Variants in ARHGAP8 observed in about 807,000 individuals in gnomAD.
ARHGAP8 encodes the protein rho GTPase-activating protein 8.
In ARHGAP8, 62 loss-of-function variants were observed where a neutral mutation model predicts 46.1. The observed-to-expected ratio is 1.34, with a 90% CI of 1.10 to 1.66. The LOEUF is 1.66. Among genes scored for constraint, ARHGAP8 ranks in the 40% most tolerant of loss-of-function variants. The pLI is 0.00. For missense variants in ARHGAP8, 923 were observed against 568.4 expected, an observed-to-expected ratio of 1.62 and a Z score of -6.34; for synonymous variants, 375 against 243.1, an observed-to-expected ratio of 1.54 and a Z score of -5.05.
chr22:44,786,557 G>C lies in ARHGAP8; in HGVS notation c.30G>C (p.Thr10=). 1 of 1,613,462 alleles carries C rather than the reference G, an allele frequency of 6.2e-7. No homozygotes were observed. Among genetic ancestry groups the C allele is most frequent in the Non-Finnish European group, 8.5e-7 (1 of 1,179,746 alleles). ...CTGGCCAGGATCCTGCGCTGAGCAC[G>C]AGTCACCCGTTCTACGACGTGGCCA... MAGQDPALS[T]SHPFYDVARH... The change falls in exon 2 of 12, where the codon ACG becomes ACC. Residue 10 remains threonine, a synonymous_variant. Transcript: ENST00000356099.
intron 5 of ARHGAP8, among the ~76,000 whole-genome samples, chr22:44,819,569 A>C (rs989770849): frequency 5.3e-5 from 8 of 152,118 alleles, no homozygotes; most frequent in African/African-American, 1.9e-4. Flanking sequence ...GCTACTCAGG[A>C]GGGTGAGCTA....
At chr22:44,846,608 G>T (rs1165305687) in intron 8 of ARHGAP8, among the ~76,000 whole-genome samples, 1 of 152,184 alleles carries the variant, frequency 6.6e-6, no homozygotes, top group Non-Finnish European at 1.5e-5. Context: ...GGCCTGGACT[G>T]CCCCTCCTTG....
At chr22:44,848,182 G>T in intron 9 of ARHGAP8, 132 bp downstream of exon 9, 2 of 1,316,836 alleles carry the variant, frequency 1.5e-6, no homozygotes, top group Non-Finnish European at 2.1e-6. Flanking sequence ...TCAGGGTGGG[G>T]GCAGCTTCCC....
rs190509626 is a variant in ARHGAP8, at chr22:44,776,524, G to T, written c.-71-9933G>T. On this transcript the variant is annotated intron_variant, in intron 1 of 11. Transcript: ENST00000356099. ...TATTCCTGTGTCTCCACTGTGGTGA[G>T]GCCTGTGGTAAGCAACATCTCCTGA... 3.3e-4 allele frequency among the ~76,000 whole-genome samples: 50 copies of T among 152,224 alleles called. 1 individual carries two copies. In the East Asian group the frequency reaches 8.7e-3, roughly 26 times the overall value.
chr22:44,775,874 G>A (rs1569138796), intron 1 of ARHGAP8, among the ~76,000 whole-genome samples: 1 of 152,138 alleles, frequency 6.6e-6, no homozygotes, highest in Admixed American at 6.5e-5. Flanking sequence ...TAGCTTCCCT[G>A]GTAATAGAAG....
intron 2 of ARHGAP8, among the ~76,000 whole-genome samples, chr22:44,798,224 C>T (rs951729311): frequency 2.6e-5 from 4 of 152,018 alleles, no homozygotes; most frequent in Admixed American, 6.6e-5. Flanking sequence ...GATCCACCCA[C>T]CTCGGCCTCC....
intron 2 of ARHGAP8, among the ~76,000 whole-genome samples, chr22:44,797,915 C>T (rs1263857479): frequency 6.6e-6 from 1 of 152,098 alleles, no homozygotes; most frequent in Non-Finnish European, 1.5e-5. Flanking sequence ...TCAAGTGAGC[C>T]TTCCACCTCA....
At chr22:44,849,923 G>C (rs528216081) in intron 10 of ARHGAP8, 1 of 152,208 alleles carries the variant, frequency 6.6e-6, no homozygotes, top group Non-Finnish European at 1.5e-5. Flanking sequence ...CAAGGGGCAG[G>C]AGTTACCTTT....
In ARHGAP8 at chr22:44,825,912, G is replaced by T. The variant is rs1229645715; in HGVS notation, c.596+319G>T. ...TGCTGCTCCGTGCCTCGTTGGGGGG[G>T]CGCGTGCTGGGTGCCTGGTCGGGGG... On this transcript the variant is annotated intron_variant, in intron 7 of 11. Transcript: ENST00000356099. Among the ~76,000 whole-genome samples, 3 of 118,808 alleles carry T rather than the reference G, an allele frequency of 2.5e-5. No homozygotes were observed. In the Admixed American group the frequency reaches 2.8e-4, roughly 11 times the overall value. 77.9% of individuals were successfully genotyped at this position (118,808 alleles called of 152,430 possible). A position where few individuals can be genotyped will look rare whatever the true frequency, so the allele number is the denominator to read the frequency against.
At chr22:44,752,781 G>C (rs952832762) in intron 1 of ARHGAP8, 154 bp downstream of exon 1, 1 of 151,836 alleles carries the variant, frequency 6.6e-6, no homozygotes, top group Non-Finnish European at 1.5e-5. Context: ...GTGCGGCCGG[G>C]GGGAGACCCT....
chr22:44,806,764 C>G (rs1045921970), intron 3 of ARHGAP8, among the ~76,000 whole-genome samples: 4 of 151,902 alleles, frequency 2.6e-5, no homozygotes, highest in Admixed American at 1.3e-4. Context: ...ACCATCCTGG[C>G]TAACTCAGTG....
At chr22:44,826,298 C>G (rs1031940094) in intron 7 of ARHGAP8, among the ~76,000 whole-genome samples, 2 of 152,172 alleles carry the variant, frequency 1.3e-5, no homozygotes, top group Non-Finnish European at 2.9e-5. Flanking sequence ...TTGTGCTGGG[C>G]TCAGCCGCTG....
At chr22:44,829,406 T>G (rs147273103) in intron 7 of ARHGAP8, among the ~76,000 whole-genome samples, 5 of 152,298 alleles carry the variant, frequency 3.3e-5, no homozygotes, top group African/African-American at 1.2e-4. Context: ...GCCTCTCGGC[T>G]CCTAGAAGGC....
intron 2 of ARHGAP8, among the ~76,000 whole-genome samples, chr22:44,795,559 T>C (rs763600912): frequency 3.3e-5 from 5 of 151,716 alleles, no homozygotes; most frequent in Non-Finnish European, 5.9e-5. Context: ...TCACCAGCAA[T>C]AGGCACTGGT....
chr22:44,775,469 C>T (rs898540109), intron 1 of ARHGAP8, among the ~76,000 whole-genome samples: 1 of 151,130 alleles, frequency 6.6e-6, no homozygotes, highest in African/African-American at 2.4e-5. Flanking sequence ...TTTTTTGAGA[C>T]GGAGTTTCGC....
intron 7 of ARHGAP8, among the ~76,000 whole-genome samples, chr22:44,825,913 CGCGTGCTGGGTGCCTGGTCGGGGGGGT>C (rs1374147588): frequency 2.1e-5 from 2 of 97,516 alleles, no homozygotes; most frequent in Non-Finnish European, 3.8e-5. Flanking sequence ...GTTGGGGGGG[CGCGTGCTGGGTGCCTGGTCGGGGGGGT>C]GCGTGTCACT....
At chr22:44,833,725 C>A (rs947041984) in intron 7 of ARHGAP8, among the ~76,000 whole-genome samples, 1 of 152,002 alleles carries the variant, frequency 6.6e-6, no homozygotes. Context: ...GAATTTGTAC[C>A]ATATTAGAGT....
intron 10 of ARHGAP8, chr22:44,849,331 G>C: frequency 2.1e-6 from 1 of 486,034 alleles, no homozygotes; most frequent in Non-Finnish European, 3.6e-6. Context: ...GAGGCAGGGT[G>C]ATGGGGGGCT....
intron 5 of ARHGAP8, among the ~76,000 whole-genome samples, chr22:44,815,635 G>GAAA (rs1929684279): frequency 1.5e-5 from 2 of 130,784 alleles, no homozygotes; most frequent in Admixed American, 1.6e-4. Flanking sequence ...CCTAAAGAAA[G>GAAA]GCAGCCACAG....
Sources: gnomAD v4.1 joint callset for allele counts (sites outside exome capture counted in the v4.1 genomes callset) on GRCh38, gnomAD v4.1.1 for gene constraint, MANE v1.5 for transcripts, NCBI Gene and HGNC (gene_info 2026-07-23, HGNC 2026-07-21) for gene names.